Variants in UROS observed in about 807,000 individuals in gnomAD.
UROS encodes the protein uroporphyrinogen III synthase, also known as uroporphyrinogen-III synthase.
UROS carries 18 observed loss-of-function variants against 33.0 expected under a neutral mutation model. The observed-to-expected ratio is 0.55, with a 90% CI of 0.38 to 0.81. The LOEUF (loss-of-function observed/expected upper bound fraction) is 0.81, where lower values mean the gene tolerates loss of function less well. UROS is among the 30% of genes least tolerant of loss of function. UROS has a pLI of 0.00. For synonymous variants in UROS, 114 were observed against 121.1 expected (o/e 0.94, Z 0.38); for missense variants, 293 against 314.9 (o/e 0.93, Z 0.53).
At chr10:125,810,304 G>C (rs908731028) in intron 5 of UROS, among the ~76,000 whole-genome samples, 6 of 152,156 alleles carry the variant, frequency 3.9e-5, no homozygotes, top group Admixed American at 1.3e-4. Flanking sequence ...GCTCTCTTTT[G>C]CTCTCTCTTG....
At chr10:125,790,448 C>G (rs188568944) in intron 9 of UROS, among the ~76,000 whole-genome samples, 2 of 152,198 alleles carry the variant, frequency 1.3e-5, no homozygotes, top group East Asian at 1.9e-4. Flanking sequence ...TGAACTTTAT[C>G]AAAAAAGTAA....
At chr10:125,789,635 C>T (rs1850776175) in intron 9 of UROS, 1 of 157,334 alleles carries the variant, frequency 6.4e-6, no homozygotes, top group Admixed American at 6.1e-5. Context: ...GCTCAATGAC[C>T]GTCATGGGCT....
chr10:125,819,837 G>A (rs1440466146), intron 1 of UROS: 2 of 152,350 alleles, frequency 1.3e-5, no homozygotes, highest in Non-Finnish European at 2.9e-5. Flanking sequence ...AAATGAAGCT[G>A]CTCCTGAAGC....
chr10:125,816,116 GC>G, intron 3 of UROS, 60 bp downstream of exon 3: 9 of 1,477,208 alleles, frequency 6.1e-6, no homozygotes, highest in Non-Finnish European at 8.5e-6. Flanking sequence ...TCCCTCTCTG[GC>G]TTCAGCTGGC....
At chr10:125,802,198 A>G (rs1851889315) in intron 6 of UROS, 1 of 985,544 alleles carries the variant, frequency 1.0e-6, no homozygotes, top group Non-Finnish European at 1.2e-6. Context: ...ATCCTGTACC[A>G]GGAACCCCTG....
chr10:125,797,522 T>C (rs1851465101), intron 7 of UROS, among the ~76,000 whole-genome samples: 1 of 152,192 alleles, frequency 6.6e-6, no homozygotes, highest in African/African-American at 2.4e-5. Context: ...AGACTAACTA[T>C]GTGACAGCAA....
chr10:125,816,566 A>T, intron 1 of UROS, 41 bp from the exon 2 acceptor site: 1 of 1,596,942 alleles, frequency 6.3e-7, no homozygotes, highest in Non-Finnish European at 8.6e-7. Context: ...TAGATCTCAA[A>T]GACTCTTCCT....
At chr10:125,808,169 G>A (rs909480247) in intron 5 of UROS, among the ~76,000 whole-genome samples, 3 of 152,160 alleles carry the variant, frequency 2.0e-5, no homozygotes, top group Non-Finnish European at 4.4e-5. Flanking sequence ...CAAACACTTG[G>A]CCACTCCACA....
At chr10:125,787,778 T>C (rs1042672768), downstream of UROS, among the ~76,000 whole-genome samples, 7 of 152,312 alleles carry the variant, frequency 4.6e-5, no homozygotes, top group Admixed American at 2.0e-4. Flanking sequence ...TCTCAAAGAA[T>C]TTCTGTATAC....
rs1023809208 is a variant in UROS at position 125,795,012 on chromosome 10, C to T, written c.562-34G>A. 5 of 1,565,814 alleles carry T rather than the reference C, an allele frequency of 3.2e-6. No homozygotes were observed. In the African/African-American group the frequency reaches 6.8e-5, roughly 21 times the overall value. The stretch of plus-strand genomic sequence containing the variant: ...AACAGAAAACAAGATCAGTCCTTGC[C>T]ATGAGACTGAGGAGAGACAACATTC... On this transcript the variant is annotated intron_variant, in intron 8 of 9. Transcript: ENST00000368797.
chr10:125,789,038 C>T, intron 9 of UROS, 33 bp from the exon 10 acceptor site: 1 of 1,611,790 alleles, frequency 6.2e-7, no homozygotes, highest in South Asian at 1.1e-5. Flanking sequence ...AGGGCTTCAG[C>T]ACACCAGGAG....
intron 6 of UROS, among the ~76,000 whole-genome samples, chr10:125,803,352 A>G (rs1001631014): frequency 5.3e-5 from 8 of 152,150 alleles, no homozygotes; most frequent in African/African-American, 1.7e-4. Flanking sequence ...ATGCCCCCAG[A>G]GCCTCCAGGA....
chr10:125,791,465 A>C (rs1589917320), intron 9 of UROS: 1 of 152,322 alleles, frequency 6.6e-6, no homozygotes, highest in South Asian at 2.1e-4. Context: ...GATCTAGTAA[A>C]TCTACTCCTA....
intron 6 of UROS, among the ~76,000 whole-genome samples, chr10:125,800,057 G>A (rs188015315): frequency 3.0e-4 from 45 of 152,260 alleles, no homozygotes; most frequent in Non-Finnish European, 5.9e-4. Flanking sequence ...GGCTGATGAT[G>A]AGTAATAACA....
In UROS at chr10:125,803,120, A is replaced by G. The variant is rs1034360925; in HGVS notation, c.394+4293T>C. On this transcript the variant is annotated intron_variant, in intron 6 of 9. Coordinates refer to ENST00000368797, the MANE Select transcript of UROS (RefSeq NM_000375.3). Reference sequence around the variant, plus strand: ...GACAGGAAGAGCTTTGGAGTCAGCCAGTCCTAGGCTTGAGCCCCAGCCTAC... The same window carrying G: ...GACAGGAAGAGCTTTGGAGTCAGCCGGTCCTAGGCTTGAGCCCCAGCCTAC... 8.9e-6 allele frequency: 14 copies of G among 1,568,488 alleles called. No individual in the cohort carries two copies. In the East Asian group the frequency reaches 1.8e-4, roughly 20 times the overall value.
At chr10:125,797,716 A>G (rs1177558190) in intron 7 of UROS, among the ~76,000 whole-genome samples, 1 of 152,162 alleles carries the variant, frequency 6.6e-6, no homozygotes, top group Non-Finnish European at 1.5e-5. Flanking sequence ...CTACATTTGT[A>G]GACTTTCTTC....
chr10:125,789,498 G>T (rs986663396), intron 9 of UROS: 8 of 428,916 alleles, frequency 1.9e-5, no homozygotes, highest in Non-Finnish European at 2.3e-5. Flanking sequence ...CTTGGCCCGT[G>T]GCCCATCCTC....
At chr10:125,790,404 G>A (rs1236400758) in intron 9 of UROS, among the ~76,000 whole-genome samples, 1 of 152,052 alleles carries the variant, frequency 6.6e-6, no homozygotes, top group African/African-American at 2.4e-5. Context: ...TACAACACCC[G>A]AAGCACAAGA....
chr10:125,819,974 AAAG>A (rs1328619504), intron 1 of UROS, among the ~76,000 whole-genome samples: 4 of 152,090 alleles, frequency 2.6e-5, no homozygotes, highest in Admixed American at 6.5e-5. Flanking sequence ...ATGAAAAAGA[AAAG>A]AAAAAAAAAA....
Sources: allele counts gnomAD v4.1 joint callset (sites outside exome capture counted in the v4.1 genomes callset), GRCh38; gene constraint gnomAD v4.1.1; transcripts MANE v1.5; gene names NCBI Gene and HGNC (gene_info 2026-07-23, HGNC 2026-07-21).